Variants in CAAP1 observed in about 807,000 individuals in gnomAD.
The protein encoded by CAAP1 is caspase activity and apoptosis inhibitor 1.
In CAAP1, 20 loss-of-function variants were observed where a neutral mutation model predicts 34.0. The ratio of observed to expected loss-of-function variants is 0.59; its 90% confidence interval spans 0.41 to 0.86. CAAP1 has a LOEUF of 0.86. Ranked by LOEUF, CAAP1 falls within the 40% of genes least tolerant of loss-of-function variation. The probability of loss-of-function intolerance (pLI) is 0.00; values close to 1 mark genes in which losing one functional copy is unlikely to be tolerated. For missense variants in CAAP1, 538 were observed against 450.5 expected, an observed-to-expected ratio of 1.19 and a Z score of -1.76; for synonymous variants, 213 against 166.7, an observed-to-expected ratio of 1.28 and a Z score of -2.14.
intron 4 of CAAP1, among the ~76,000 whole-genome samples, chr9:26,877,445 TTAAG>T (rs1467334276): frequency 2.0e-5 from 3 of 152,180 alleles, no homozygotes; most frequent in Non-Finnish European, 4.4e-5. Context: ...TTCCTCATTA[TTAAG>T]TGTCACATGA....
rs1399518136 is a variant in CAAP1, at chr9:26,842,137, C to CA, written c.*163dup. ...CACACATTTATAATATAAAAGTAGT[C>CA]AAAAAAATAAAAAGAAACAGCCACA... On this transcript the variant is annotated 3_prime_UTR_variant, in exon 6 of 6. Coordinates refer to ENST00000333916, the MANE Select transcript of CAAP1 (RefSeq NM_024828.4). 5 of 564,266 alleles carry CA rather than the reference C, an allele frequency of 8.9e-6. No individual in the cohort carries two copies. Among genetic ancestry groups the CA allele is most frequent in the East Asian group, 3.0e-5 (1 of 33,898 alleles). 35.0% of individuals were successfully genotyped at this position (564,266 alleles called of 1,614,324 possible).
intron 4 of CAAP1, among the ~76,000 whole-genome samples, chr9:26,870,557 C>T (rs1440151471): frequency 6.8e-6 from 1 of 146,458 alleles, no homozygotes; most frequent in African/African-American, 2.5e-5. Flanking sequence ...TACACACACA[C>T]ACACACACGT....
At chr9:26,852,678 CAT>C (rs987574297) in intron 5 of CAAP1, among the ~76,000 whole-genome samples, 3 of 152,052 alleles carry the variant, frequency 2.0e-5, no homozygotes, top group African/African-American at 7.2e-5. Context: ...GTGAAGTAGA[CAT>C]GTGATAGATC....
intron 1 of CAAP1, among the ~76,000 whole-genome samples, chr9:26,889,315 G>C (rs1301591743): frequency 6.6e-6 from 1 of 152,118 alleles, no homozygotes; most frequent in African/African-American, 2.4e-5. Context: ...CTACTCGGGA[G>C]GCTGAGGCAG....
chr9:26,870,376 G>A (rs562569212), intron 4 of CAAP1, among the ~76,000 whole-genome samples: 22 of 151,886 alleles, frequency 1.4e-4, no homozygotes, highest in Non-Finnish European at 2.8e-4. Flanking sequence ...TCCTACTGCT[G>A]TCTTTTTTGT....
chr9:26,884,827 T>C lies in CAAP1; in HGVS notation c.648A>G (p.Gly216=). The C allele has an allele frequency of 6.2e-7, 1 of 1,608,776 alleles. No individual in the cohort carries two copies. Residue 216 remains glycine, a synonymous_variant, in exon 4 of 6, where the codon GGA becomes GGG. Transcript: ENST00000333916. ...AAACTTACTGACTGACTAAATCAGA[T>C]CCCATCTTAGAACCATCATCTGCTT... is the stretch of plus-strand genomic sequence containing the variant. ...EEEADDGSKM[G]SDLVSQQDIC...
intron 1 of CAAP1, 42 bp downstream of exon 1, chr9:26,892,371 A>T: frequency 6.3e-7 from 1 of 1,597,350 alleles, no homozygotes; most frequent in Non-Finnish European, 8.5e-7. Context: ...TCTTCCGAAA[A>T]AGCAGCAGCT....
At chr9:26,884,785 T>TA in intron 4 of CAAP1, 25 bp downstream of exon 4, 1 of 1,531,342 alleles carries the variant, frequency 6.5e-7, no homozygotes, top group Non-Finnish European at 8.9e-7. Flanking sequence ...AATTTTGAAA[T>TA]AAAAATGAAA....
chr9:26,875,789 A>AT (rs1048750386), intron 4 of CAAP1, among the ~76,000 whole-genome samples: 5 of 151,972 alleles, frequency 3.3e-5, no homozygotes, highest in Non-Finnish European at 5.9e-5. Flanking sequence ...GCTTGATCTG[A>AT]TTTTTTTTCA....
intron 4 of CAAP1, among the ~76,000 whole-genome samples, chr9:26,866,460 T>C (rs1317630813): frequency 1.3e-5 from 2 of 152,194 alleles, no homozygotes; most frequent in Non-Finnish European, 2.9e-5. Flanking sequence ...GAATAAGGAA[T>C]GGCAAAAGGA....
At chr9:26,888,953 C>G (rs558375108) in intron 1 of CAAP1, among the ~76,000 whole-genome samples, 2 of 152,076 alleles carry the variant, frequency 1.3e-5, no homozygotes, top group African/African-American at 4.8e-5. Flanking sequence ...GGTATAGTAA[C>G]CATAAAAAGG....
chr9:26,845,896 G>C (rs898364887), intron 5 of CAAP1, among the ~76,000 whole-genome samples: 1 of 151,910 alleles, frequency 6.6e-6, no homozygotes, highest in African/African-American at 2.4e-5. Flanking sequence ...TCTGGTAGCT[G>C]GTTTGGTTTT....
intron 5 of CAAP1, among the ~76,000 whole-genome samples, chr9:26,851,838 A>G (rs1822759557): frequency 1.3e-5 from 2 of 152,142 alleles, no homozygotes; most frequent in African/African-American, 2.4e-5. Flanking sequence ...ACACTCATTC[A>G]AAAGGGCATC....
intron 4 of CAAP1, among the ~76,000 whole-genome samples, chr9:26,870,556 A>ACT: frequency 6.8e-6 from 1 of 146,872 alleles, no homozygotes; most frequent in East Asian, 2.3e-4. Flanking sequence ...ATACACACAC[A>ACT]CACACACACG....
At position 26,886,230 on chromosome 9, in the gene CAAP1, C is replaced by T. The variant is rs532850911; in HGVS notation, c.505-42G>A. The T allele has an allele frequency of 1.8e-5, 18 of 1,024,798 alleles. No individual in the cohort carries two copies. In the East Asian group the frequency reaches 4.8e-4, roughly 27 times the overall value. 63.5% of individuals were successfully genotyped at this position (1,024,798 alleles called of 1,614,324 possible). On this transcript the variant is annotated intron_variant, in intron 2 of 5. Transcript: ENST00000333916. Reference sequence around the variant, plus strand: ...TTTAAAAAAATGCATTTATGTAACACAGCCCCAATGTAAACTGGAAAATTT... The same window carrying T: ...TTTAAAAAAATGCATTTATGTAACATAGCCCCAATGTAAACTGGAAAATTT...
At chr9:26,861,169 A>G (rs1334527746) in intron 4 of CAAP1, 30 bp from the exon 5 acceptor site, 1 of 1,491,854 alleles carries the variant, frequency 6.7e-7, no homozygotes, top group Non-Finnish European at 9.3e-7. Context: ...TCAACCTTTA[A>G]AACTATATTT....
At chr9:26,876,966 C>A (rs1823450192) in intron 4 of CAAP1, among the ~76,000 whole-genome samples, 1 of 152,004 alleles carries the variant, frequency 6.6e-6, no homozygotes, top group African/African-American at 2.4e-5. Context: ...CCAGCCTGGA[C>A]AACATAGTGA....
rs576557325 is a variant in CAAP1, at chr9:26,841,931, A to T, written c.*370T>A. 6.2e-6 allele frequency: 1 copy of T among 161,186 alleles called. No individual in the cohort carries two copies. Among genetic ancestry groups the T allele is most frequent in the South Asian group, 2.0e-4 (1 of 5,046 alleles). The allele number at this position is 161,186 out of a possible 1,614,324, so 10.0% of individuals were successfully genotyped here. The stretch of plus-strand genomic sequence containing the variant: ...GTATTGTAAAATACAAGTAGCCTTA[A>T]GAGAAACATGCTTCGTCAATCTTTT... On this transcript the variant is annotated 3_prime_UTR_variant, in exon 6 of 6. Transcript: ENST00000333916.
At chr9:26,862,817 ACT>A (rs2131312031) in intron 4 of CAAP1, among the ~76,000 whole-genome samples, 1 of 152,218 alleles carries the variant, frequency 6.6e-6, no homozygotes, top group South Asian at 2.1e-4. Context: ...TCAAGTTGAT[ACT>A]CTGTTATGGT....
Sources: allele counts gnomAD v4.1 joint callset (sites outside exome capture counted in the v4.1 genomes callset), GRCh38; gene constraint gnomAD v4.1.1; transcripts MANE v1.5; gene names NCBI Gene and HGNC (gene_info 2026-07-23, HGNC 2026-07-21).